The following PPP4R4 variants were observed in gnomAD, a reference collection of about 807,000 sequenced individuals.
PPP4R4 encodes the protein protein phosphatase 4 regulatory subunit 4.
Under a neutral mutation model 121.8 loss-of-function variants are expected in PPP4R4, and 70 were observed. That is an observed-to-expected ratio of 0.57 (90% CI 0.47 to 0.70). PPP4R4 has a LOEUF of 0.70. Ranked by LOEUF, PPP4R4 falls within the 30% of genes least tolerant of loss-of-function variation. The pLI, the probability that PPP4R4 is intolerant of heterozygous loss-of-function variation, is 0.00. For synonymous variants in PPP4R4, 348 were observed against 355.7 expected (o/e 0.98, Z 0.24); for missense variants, 875 against 1,033.6 (o/e 0.85, Z 2.10).
chr14:94,249,005 A>C (rs541751803), intron 14 of PPP4R4, among the ~76,000 whole-genome samples: 11 of 151,864 alleles, frequency 7.2e-5, no homozygotes, highest in Admixed American at 5.9e-4. Context: ...GCTGGCTCTT[A>C]TGTGCTTTTG....
Position 94,240,809 on chromosome 14 carries a change from T to C in PPP4R4, c.976+14T>C, listed in dbSNP as rs1414441083. The C allele has an allele frequency of 3.3e-6, 5 of 1,494,982 alleles. No individual in the cohort carries two copies. The highest frequency in any genetic ancestry group is 1.4e-5 in the South Asian group (1 of 72,162). 92.6% of individuals were successfully genotyped at this position (1,494,982 alleles called of 1,614,324 possible). A position where few individuals can be genotyped will look rare whatever the true frequency, so the allele number is the denominator to read the frequency against. On this transcript the variant is annotated intron_variant, in intron 9 of 24. Transcript: ENST00000304338. Reference sequence around the variant, plus strand: ...ATGGACTATATGGTATGATATATCCTAAGAATTTTGAGACTGTAGATAATT... The same window carrying C: ...ATGGACTATATGGTATGATATATCCCAAGAATTTTGAGACTGTAGATAATT...
intron 3 of PPP4R4, among the ~76,000 whole-genome samples, chr14:94,214,260 A>G (rs1449571439): frequency 6.6e-6 from 1 of 152,342 alleles, no homozygotes; most frequent in South Asian, 2.1e-4. Context: ...GTACATGTAG[A>G]ATGGTATATA....
chr14:94,189,915 G>T, intron 2 of PPP4R4, among the ~76,000 whole-genome samples: 1 of 152,148 alleles, frequency 6.6e-6, no homozygotes, highest in East Asian at 1.9e-4. Context: ...ACCAGTGCCT[G>T]GCACCCAGCA....
rs1375855419 is a variant in PPP4R4, at chr14:94,250,234, T to C, written c.1674T>C (p.Arg558=). The part of the protein sequence containing the change: ...RTLCIFLRYN[R]KQEQRHEVIQ... ...TATGCATTTTTCTGCGTTATAATCG[T>C]AAACAAGAACAGAGACATGAGGTCA... Residue 558 remains arginine, a synonymous_variant, in exon 15 of 25, where the codon CGT becomes CGC. Coordinates refer to ENST00000304338, the MANE Select transcript of PPP4R4 (RefSeq NM_058237.2). 6.2e-6 allele frequency: 10 copies of C among 1,611,938 alleles called. No homozygotes were observed. In the Admixed American group the frequency reaches 1.7e-4, roughly 27 times the overall value.
At chr14:94,234,969 T>A (rs994583101) in intron 7 of PPP4R4, among the ~76,000 whole-genome samples, 2 of 152,318 alleles carry the variant, frequency 1.3e-5, no homozygotes, top group Non-Finnish European at 2.9e-5. Flanking sequence ...TTGGGTCATT[T>A]CAGATGGGAT....
intron 23 of PPP4R4, among the ~76,000 whole-genome samples, chr14:94,271,264 C>CA (rs1348458301): frequency 1.3e-5 from 2 of 151,914 alleles, no homozygotes; most frequent in Non-Finnish European, 2.9e-5. Flanking sequence ...TGAAAATTAT[C>CA]AAAAAAATTA....
intron 24 of PPP4R4, among the ~76,000 whole-genome samples, chr14:94,276,726 G>T (rs1226223882): frequency 1.3e-5 from 2 of 152,138 alleles, no homozygotes; most frequent in African/African-American, 4.8e-5. Context: ...TTTGGGCAGG[G>T]ACAAACATCC....
At chr14:94,175,121 C>G (rs1450329715) in intron 1 of PPP4R4, among the ~76,000 whole-genome samples, 1 of 152,004 alleles carries the variant, frequency 6.6e-6, no homozygotes. Flanking sequence ...AACTCCTCCC[C>G]CCACCTCTCC....
chr14:94,266,347 C>T (rs1246952298), intron 22 of PPP4R4, among the ~76,000 whole-genome samples: 1 of 151,982 alleles, frequency 6.6e-6, no homozygotes, highest in Non-Finnish European at 1.5e-5. Context: ...TCTGGTTTCC[C>T]CTTTAGCCCA....
intron 23 of PPP4R4, among the ~76,000 whole-genome samples, chr14:94,271,351 A>G (rs1894317608): frequency 6.6e-6 from 1 of 152,248 alleles, no homozygotes; most frequent in Non-Finnish European, 1.5e-5. Context: ...ATAGAAGACT[A>G]ATTCACCATT....
chr14:94,259,354 ACTT>A lies in PPP4R4; in HGVS notation c.2116_2118del (p.Leu707del), dbSNP rs778887366. 31 of 1,609,984 alleles carry A rather than the reference ACTT, an allele frequency of 1.9e-5. No individual in the cohort carries two copies. The highest frequency in any genetic ancestry group is 1.9e-4 in the African/African-American group (14 of 74,526). On this transcript the variant is annotated inframe_deletion, in exon 19 of 25. Coordinates refer to ENST00000304338, the MANE Select transcript of PPP4R4 (RefSeq NM_058237.2). Reference sequence around the variant, plus strand: ...ATCAAGAGAAAGAAAGAGAAGAACTACTTCTTTTGGAAATGGTATGTTGTTTTC... The same window carrying A: ...ATCAAGAGAAAGAAAGAGAAGAACTACTTTTGGAAATGGTATGTTGTTTTC...
chr14:94,230,817 C>T, intron 4 of PPP4R4, 83 bp downstream of exon 4: 2 of 1,420,178 alleles, frequency 1.4e-6, no homozygotes. Flanking sequence ...TACTGTTAGC[C>T]TGATGAGGAT....
intron 3 of PPP4R4, among the ~76,000 whole-genome samples, chr14:94,214,616 T>C (rs1890928480): frequency 6.6e-6 from 1 of 152,164 alleles, no homozygotes; most frequent in East Asian, 1.9e-4. Context: ...TGGGTAGATT[T>C]TTTTAACATC....
chr14:94,174,981 C>A (rs1477642392), intron 1 of PPP4R4, among the ~76,000 whole-genome samples: 1 of 147,416 alleles, frequency 6.8e-6, no homozygotes, highest in Admixed American at 6.7e-5. Flanking sequence ...CCGCCCCCCC[C>A]CCCCAAAGGA....
chr14:94,213,715 C>T (rs563096122), intron 3 of PPP4R4, among the ~76,000 whole-genome samples: 1 of 152,212 alleles, frequency 6.6e-6, no homozygotes, highest in East Asian at 1.9e-4. Context: ...TGATAGCAAC[C>T]ACCAAAAGCT....
intron 5 of PPP4R4, 84 bp from the exon 6 acceptor site, chr14:94,233,569 T>C (rs1386114006): frequency 1.2e-6 from 1 of 849,984 alleles, no homozygotes; most frequent in Non-Finnish European, 1.9e-6. Flanking sequence ...TTTAGAACTT[T>C]AAAATACTCT....
chr14:94,246,712 C>T (rs183017291), intron 14 of PPP4R4, among the ~76,000 whole-genome samples, 173 bp downstream of exon 14: 91 of 152,292 alleles, frequency 6.0e-4, no homozygotes, highest in Non-Finnish European at 7.9e-4. Context: ...TTTGCCTCCC[C>T]ACTAGGTCTC....
At chr14:94,227,870 A>G (rs2139519910) in intron 3 of PPP4R4, 1 of 985,440 alleles carries the variant, frequency 1.0e-6, no homozygotes, top group African/African-American at 1.7e-5. Context: ...TATACTGGCC[A>G]CATCAAATCT....
At chr14:94,245,333 G>C (rs530059185) in intron 12 of PPP4R4, among the ~76,000 whole-genome samples, 7 of 152,282 alleles carry the variant, frequency 4.6e-5, no homozygotes, top group Admixed American at 4.6e-4. Context: ...AGAAGTAGCT[G>C]TCTCAGATTT....
Sources: gnomAD v4.1 joint callset for allele counts (sites outside exome capture counted in the v4.1 genomes callset) on GRCh38, gnomAD v4.1.1 for gene constraint, MANE v1.5 for transcripts, NCBI Gene and HGNC (gene_info 2026-07-23, HGNC 2026-07-21) for gene names.